The following CDK14 variants were observed in gnomAD, a reference collection of about 807,000 sequenced individuals.
The protein encoded by CDK14 is cyclin-dependent kinase 14.
CDK14 carries 34 observed loss-of-function variants against 60.7 expected under a neutral mutation model. That is an observed-to-expected ratio of 0.56 (90% CI 0.43 to 0.75). CDK14 has a LOEUF of 0.75. Among genes scored for constraint, CDK14 ranks in the 30% least tolerant of loss-of-function variants. The pLI, the probability that CDK14 is intolerant of heterozygous loss-of-function variation, is 0.00. For missense variants in CDK14, 482 were observed against 564.1 expected (o/e 0.85, Z 1.47); for synonymous variants, 197 against 203.7 (o/e 0.97, Z 0.28).
intron 10 of CDK14, among the ~76,000 whole-genome samples, chr7:91,036,061 T>C (rs2115969215): frequency 6.6e-6 from 1 of 152,250 alleles, no homozygotes; most frequent in Middle Eastern, 3.4e-3. Context: ...GCCAGGATGG[T>C]CTCGATCTCC....
chr7:90,925,982 G>T (rs1793404293), intron 8 of CDK14, among the ~76,000 whole-genome samples: 1 of 152,090 alleles, frequency 6.6e-6, no homozygotes, highest in Admixed American at 6.5e-5. Flanking sequence ...ATGTAATCCA[G>T]ACCCCTCATC....
intron 5 of CDK14, among the ~76,000 whole-genome samples, chr7:90,858,996 G>A (rs1055941853): frequency 2.0e-5 from 3 of 152,200 alleles, no homozygotes; most frequent in African/African-American, 2.4e-5. Context: ...TCACTTGAGT[G>A]CTGGTTTATA....
chr7:91,185,255 T>C (rs1802134979), intron 14 of CDK14, among the ~76,000 whole-genome samples: 1 of 137,602 alleles, frequency 7.3e-6, no homozygotes, highest in African/African-American at 2.6e-5. Flanking sequence ...TTGGCCTTTC[T>C]CTATCCAATT....
In CDK14 at chr7:90,664,920, T is replaced by C. The variant is rs548626407; in HGVS notation, c.123+60671T>C. On this transcript the variant is annotated intron_variant, in intron 2 of 14. Transcript: ENST00000380050. ...AAACCTGCAGATTGTGCACATGTAC[T>C]GTAAAACTTAAAGTATAATAATAAT... Among the ~76,000 whole-genome samples, 19 of 152,188 alleles carry C rather than the reference T, an allele frequency of 1.2e-4. No individual in the cohort carries two copies. The East Asian group carries it at 3.3e-3, about 26-fold the overall frequency.
At chr7:90,882,185 G>T (rs4728944) in intron 6 of CDK14, among the ~76,000 whole-genome samples, 24,346 of 149,598 alleles carry the variant, frequency 0.16, 2,244 homozygotes, top group Middle Eastern at 0.28. Context: ...CTGTATTTAG[G>T]AGACCCATCT....
chr7:90,628,705 C>A lies in CDK14; in HGVS notation c.123+24456C>A, dbSNP rs371363906. Among the ~76,000 whole-genome samples, 7 of 152,148 alleles carry A rather than the reference C, an allele frequency of 4.6e-5. No homozygotes were observed. In the East Asian group the frequency reaches 1.2e-3, roughly 25 times the overall value. ...AACAACTTAGACAGGCATGGGGTTGCGTGCCTGTAGTCCCAGTTACTCAGG... is the reference window on the plus strand; with the variant it reads ...AACAACTTAGACAGGCATGGGGTTGAGTGCCTGTAGTCCCAGTTACTCAGG... On this transcript the variant is annotated intron_variant, in intron 2 of 14. Coordinates refer to ENST00000380050, the MANE Select transcript of CDK14 (RefSeq NM_001287135.2).
intron 4 of CDK14, among the ~76,000 whole-genome samples, chr7:90,776,558 G>C (rs1805055099): frequency 6.6e-6 from 1 of 152,114 alleles, no homozygotes; most frequent in Non-Finnish European, 1.5e-5. Flanking sequence ...CACACACACA[G>C]GGGTCATGGG....
chr7:90,789,360 G>GTA (rs955047024), intron 4 of CDK14, among the ~76,000 whole-genome samples: 6 of 151,916 alleles, frequency 3.9e-5, no homozygotes, highest in African/African-American at 1.2e-4. Flanking sequence ...ATATTTATGT[G>GTA]TATATATATG....
chr7:90,621,083 G>A (rs575135800), intron 2 of CDK14, among the ~76,000 whole-genome samples: 3 of 152,290 alleles, frequency 2.0e-5, no homozygotes, highest in South Asian at 2.1e-4. Context: ...GTTTTAGAAG[G>A]AAACAGCGTT....
chr7:90,657,912 C>A (rs565427948), intron 2 of CDK14, among the ~76,000 whole-genome samples: 1 of 152,192 alleles, frequency 6.6e-6, no homozygotes, highest in Admixed American at 6.5e-5. Context: ...TCATGAAGGT[C>A]ATAGAGCTAG....
chr7:90,761,727 C>T (rs894617834), intron 4 of CDK14, among the ~76,000 whole-genome samples: 7 of 152,180 alleles, frequency 4.6e-5, no homozygotes, highest in Admixed American at 2.6e-4. Flanking sequence ...GGACAGTCTC[C>T]TGCAACAAAG....
chr7:91,121,991 T>A (rs2116391491), intron 14 of CDK14, among the ~76,000 whole-genome samples: 1 of 152,358 alleles, frequency 6.6e-6, no homozygotes, highest in African/African-American at 2.4e-5. Context: ...GCATGGTCAC[T>A]CTACTTCTCC....
chr7:91,126,939 A>T (rs1226862424), intron 14 of CDK14, among the ~76,000 whole-genome samples: 1 of 151,974 alleles, frequency 6.6e-6, no homozygotes, highest in African/African-American at 2.4e-5. Context: ...AGTTCCTCTT[A>T]GTGCAGGTCA....
intron 6 of CDK14, among the ~76,000 whole-genome samples, chr7:90,886,177 G>T (rs1325368376): frequency 6.6e-6 from 1 of 152,104 alleles, no homozygotes; most frequent in Admixed American, 6.5e-5. Flanking sequence ...AGGGCACTGA[G>T]TTGGCTTGCT....
At chr7:90,865,649 T>C (rs753205817) in intron 6 of CDK14, among the ~76,000 whole-genome samples, 10 of 152,102 alleles carry the variant, frequency 6.6e-5, no homozygotes, top group Non-Finnish European at 1.3e-4. Flanking sequence ...TTGGGATGAA[T>C]GAGTGAGGGC....
intron 9 of CDK14, 113 bp from the exon 10 acceptor site, chr7:90,984,035 A>G (rs1455828862): frequency 1.4e-6 from 1 of 723,458 alleles, no homozygotes; most frequent in Non-Finnish European, 2.5e-6. Flanking sequence ...GGGAAAAAGG[A>G]AACAGTTTAC....
intron 14 of CDK14, among the ~76,000 whole-genome samples, chr7:91,170,656 T>C (rs969929858): frequency 5.3e-5 from 8 of 152,188 alleles, no homozygotes; most frequent in Non-Finnish European, 1.2e-4. Flanking sequence ...TTCAATTATT[T>C]ACAATGAAGA....
At position 90,851,871 on chromosome 7, in the gene CDK14, G is replaced by A. The variant is rs368678343; in HGVS notation, c.545-11304G>A. Among the ~76,000 whole-genome samples, 148 of 151,754 alleles carry A rather than the reference G, an allele frequency of 9.8e-4. 1 individual carries two copies. The highest frequency in any genetic ancestry group is 3.3e-3 in the African/African-American group (138 of 41,370). ...AGAGTTTCCCTCTTCTACCTAGGCC[G>A]AAGTGCAGTGGTGTGATCATAGTCA... is the stretch of plus-strand genomic sequence containing the variant. On this transcript the variant is annotated intron_variant, in intron 5 of 14. Coordinates refer to ENST00000380050, the MANE Select transcript of CDK14 (RefSeq NM_001287135.2).
intron 9 of CDK14, among the ~76,000 whole-genome samples, chr7:90,972,991 C>T (rs1252169756): frequency 2.0e-5 from 3 of 152,142 alleles, no homozygotes; most frequent in Non-Finnish European, 4.4e-5. Context: ...ATGAGAAGCA[C>T]TGCTTCAAGT....
Sources: gnomAD v4.1 joint callset for allele counts (sites outside exome capture counted in the v4.1 genomes callset) on GRCh38, gnomAD v4.1.1 for gene constraint, MANE v1.5 for transcripts, NCBI Gene and HGNC (gene_info 2026-07-23, HGNC 2026-07-21) for gene names.